CACNA1C: variants seen among roughly 807,000 people sequenced by gnomAD.
The protein encoded by CACNA1C is calcium voltage-gated channel subunit alpha1 C.
CACNA1C carries 30 observed loss-of-function variants against 229.0 expected under a neutral mutation model. The ratio of observed to expected loss-of-function variants is 0.13; its 90% CI spans 0.10 to 0.18. The LOEUF is 0.18. Ranked by LOEUF, CACNA1C falls within the 10% of genes least tolerant of loss-of-function variation. The pLI is 1.00. For missense variants in CACNA1C, 1,658 were observed against 2,845.0 expected (o/e 0.58, Z 9.49); for synonymous variants, 1,114 against 1,132.5 (o/e 0.98, Z 0.33).
intron 3 of CACNA1C, among the ~76,000 whole-genome samples, chr12:2,365,692 TTTTAA>T (rs139169779): frequency 0.2 from 30,357 of 152,122 alleles, 3,827 homozygotes; most frequent in Non-Finnish European, 0.28. Context: ...CCATGCTGGT[TTTTAA>T]TTTAACATGA....
At chr12:2,219,174 T>G (rs2060790797) in intron 3 of CACNA1C, among the ~76,000 whole-genome samples, 1 of 152,204 alleles carries the variant, frequency 6.6e-6, no homozygotes, top group Admixed American at 6.5e-5. Context: ...GCTGGACGCT[T>G]CTCTCCCTTT....
intron 1 of CACNA1C, chr12:1,991,979 T>C: frequency 4.5e-6 from 1 of 220,414 alleles, no homozygotes; most frequent in Non-Finnish European, 9.8e-6. Context: ...AATCTAATAA[T>C]CTCAAAAAAA....
At chr12:2,609,343 G>A (rs2076629043) in intron 27 of CACNA1C, among the ~76,000 whole-genome samples, 1 of 151,948 alleles carries the variant, frequency 6.6e-6, no homozygotes, top group African/African-American at 2.4e-5. Context: ...AGGAGTCCGT[G>A]GGGAAACACA....
intron 3 of CACNA1C, among the ~76,000 whole-genome samples, chr12:2,137,598 G>A (rs2093672938): frequency 6.6e-6 from 1 of 151,024 alleles, no homozygotes; most frequent in Admixed American, 6.6e-5. Context: ...CTGGAAAAAT[G>A]CAAAGTGCCA....
chr12:2,611,413 G>A (rs1316509994), intron 28 of CACNA1C, among the ~76,000 whole-genome samples: 1 of 142,156 alleles, frequency 7.0e-6, no homozygotes, highest in Non-Finnish European at 1.5e-5. Context: ...TTCCTTGTTG[G>A]TTGATCAATG....
At chr12:2,433,378 G>C (rs1284907700) in intron 3 of CACNA1C, among the ~76,000 whole-genome samples, 1 of 152,142 alleles carries the variant, frequency 6.6e-6, no homozygotes, top group African/African-American at 2.4e-5. Flanking sequence ...AGAGAGGAGG[G>C]AGGTTTGGCT....
chr12:2,668,688 T>C, intron 37 of CACNA1C: 1 of 464,244 alleles, frequency 2.2e-6, no homozygotes, highest in Admixed American at 3.5e-5. Context: ...ACCACACACT[T>C]ACTTAAACAA....
intron 3 of CACNA1C, among the ~76,000 whole-genome samples, chr12:2,265,314 C>T (rs1056196131): frequency 3.9e-5 from 6 of 152,212 alleles, no homozygotes; most frequent in Admixed American, 6.5e-5. Context: ...AAACAGCACA[C>T]GGGAGCATTT....
At chr12:2,167,896 G>A (rs529113089) in intron 3 of CACNA1C, among the ~76,000 whole-genome samples, 52 of 152,294 alleles carry the variant, frequency 3.4e-4, no homozygotes, top group Admixed American at 2.2e-3. Context: ...CCCAGGTTCT[G>A]CCTGCTTTGA....
At position 2,608,781 on chromosome 12, in the gene CACNA1C, G is replaced by A. The variant is rs906828974; in HGVS notation, c.3558+69G>A. On this transcript the variant is annotated intron_variant, in intron 27 of 46. Transcript: ENST00000399655. The surrounding 1 kb of genome is among the most constrained non-coding windows in gnomAD (Gnocchi z 4.2). ...GGAATGGCAGCCTGCGGCCCACCCC[G>A]CAGAGGGGCTGCGACAGGGAGAGGC... 71 of 1,503,768 alleles carry A rather than the reference G, an allele frequency of 4.7e-5. No homozygotes were observed. The highest frequency in any genetic ancestry group is 1.1e-4 in the Admixed American group (6 of 55,576). 93.2% of individuals were successfully genotyped at this position (1,503,768 alleles called of 1,614,324 possible).
chr12:2,117,669 A>C lies in CACNA1C; in HGVS notation c.371+2124A>C, dbSNP rs145056197. ...TACTGGGTAGGACTAGGCAGGTACT[A>C]GTAGATACTAGGTGGGACCGGTGAG... On this transcript the variant is annotated intron_variant, in intron 2 of 46. Transcript: ENST00000399655. 9.5e-3 allele frequency among the ~76,000 whole-genome samples: 1,449 copies of C among 152,372 alleles called. 21 individuals are homozygous for C. Among genetic ancestry groups the C allele is most frequent in the African/African-American group, 0.033 (1,353 of 41,592 alleles).
At chr12:2,069,962 G>A (rs2154522966) in intron 1 of CACNA1C, among the ~76,000 whole-genome samples, 1 of 152,220 alleles carries the variant, frequency 6.6e-6, no homozygotes, top group African/African-American at 2.4e-5. Flanking sequence ...CTGCCACCAT[G>A]CCTGGATACA....
intron 9 of CACNA1C, among the ~76,000 whole-genome samples, chr12:2,519,389 C>T (rs2099805105): frequency 6.6e-6 from 1 of 152,242 alleles, no homozygotes; most frequent in South Asian, 2.1e-4. Context: ...CACACTGCCC[C>T]TGGACTGAGT....
chr12:2,521,135 T>G (rs772412688), intron 9 of CACNA1C, among the ~76,000 whole-genome samples: 4 of 152,198 alleles, frequency 2.6e-5, no homozygotes, highest in Non-Finnish European at 5.9e-5. Context: ...CAATACCAGC[T>G]GAGAAAGACA....
chr12:2,580,677 A>C (rs2060169345), intron 13 of CACNA1C, among the ~76,000 whole-genome samples: 1 of 152,174 alleles, frequency 6.6e-6, no homozygotes, highest in Non-Finnish European at 1.5e-5. Flanking sequence ...GGATTTTCCC[A>C]GGATCGCTGT....
intron 27 of CACNA1C, among the ~76,000 whole-genome samples, chr12:2,609,697 T>C (rs1428403372): frequency 6.6e-6 from 1 of 151,802 alleles, no homozygotes; most frequent in Non-Finnish European, 1.5e-5. Context: ...GTTCCTGATC[T>C]GGAAGCCTGG....
Position 2,675,611 on chromosome 12 carries a change from T to C in CACNA1C, c.4828+969T>C, listed in dbSNP as rs2096767233. 3.3e-5 allele frequency among the ~76,000 whole-genome samples: 5 copies of C among 151,980 alleles called. No homozygotes were observed. In the South Asian group the frequency reaches 1.0e-3, roughly 31 times the overall value. On this transcript the variant is annotated intron_variant, in intron 39 of 46. Coordinates refer to ENST00000399655, the MANE Select transcript of CACNA1C (RefSeq NM_000719.7). The stretch of plus-strand genomic sequence containing the variant: ...ACCTCTCTTGGCCAAGTTTAAATAA[T>C]CCAAAGTATAGTTTTCCTCAATTTA...
chr12:2,324,528 C>T (rs1009755202), intron 3 of CACNA1C, among the ~76,000 whole-genome samples: 65 of 152,314 alleles, frequency 4.3e-4, no homozygotes, highest in African/African-American at 1.4e-3. Context: ...CGCTTGCACT[C>T]GGAGCTGCCC....
In CACNA1C at chr12:2,346,401, T is replaced by A. The variant is rs1266364713; in HGVS notation, c.478-102575T>A. Among the ~76,000 whole-genome samples, 1 of 152,202 alleles carries A rather than the reference T, an allele frequency of 6.6e-6. No individual in the cohort carries two copies. The highest frequency in any genetic ancestry group is 2.4e-5 in the African/African-American group (1 of 41,446). The stretch of plus-strand genomic sequence containing the variant: ...GTCTATGTCTGTGTTTGGGCAAGAC[T>A]GTGTTCCACCCCCTTCCCCAGGCTT... On this transcript the variant is annotated intron_variant, in intron 3 of 46. Coordinates refer to ENST00000399655, the MANE Select transcript of CACNA1C (RefSeq NM_000719.7). The surrounding 1 kb of genome is among the most constrained non-coding windows in gnomAD (Gnocchi z 4.4).
Sources: gnomAD v4.1 joint callset for allele counts (sites outside exome capture counted in the v4.1 genomes callset) on GRCh38, gnomAD v4.1.1 for gene constraint, Gnocchi (gnomAD v3.1) non-coding constraint, MANE v1.5 for transcripts, NCBI Gene and HGNC (gene_info 2026-07-23, HGNC 2026-07-21) for gene names.